Variants in TENM4 observed in about 807,000 individuals in gnomAD.
The protein encoded by TENM4 is teneurin transmembrane protein 4.
TENM4 carries 82 observed loss-of-function variants against 243.3 expected under a neutral mutation model. That is an observed-to-expected ratio of 0.34 (90% CI 0.28 to 0.40). The LOEUF is 0.40. Among genes scored for constraint, TENM4 ranks in the 10% least tolerant of loss-of-function variants. The pLI, the probability that TENM4 is intolerant of heterozygous loss-of-function variation, is 1.00. For synonymous variants in TENM4, 1,412 were observed against 1,456.3 expected (o/e 0.97, Z 0.69); for missense variants, 3,138 against 3,673.3 (o/e 0.85, Z 3.77).
intron 12 of TENM4, among the ~76,000 whole-genome samples, chr11:78,834,708 C>T (rs1858062434): frequency 6.6e-6 from 1 of 152,172 alleles, no homozygotes; most frequent in Non-Finnish European, 1.5e-5. Context: ...CTCTCCCTTC[C>T]CTGAATCTGG....
intron 1 of TENM4, among the ~76,000 whole-genome samples, chr11:79,321,162 G>A (rs1856882090): frequency 6.6e-6 from 1 of 152,196 alleles, no homozygotes; most frequent in Non-Finnish European, 1.5e-5. Flanking sequence ...CATGAGGACA[G>A]TGAGGGGCTT....
intron 19 of TENM4, among the ~76,000 whole-genome samples, chr11:78,742,836 A>G (rs566145886): frequency 1.3e-5 from 2 of 152,322 alleles, no homozygotes; most frequent in African/African-American, 4.8e-5. Context: ...GCAAATAAAA[A>G]GCCAACCTCA....
At chr11:78,704,075 A>G (rs1859176852) in intron 27 of TENM4, among the ~76,000 whole-genome samples, 1 of 147,736 alleles carries the variant, frequency 6.8e-6, no homozygotes, top group African/African-American at 2.5e-5. Context: ...ATATATATAT[A>G]AATATATACA....
chr11:78,674,888 CAG>C (rs761340042), intron 30 of TENM4, among the ~76,000 whole-genome samples: 184 of 150,990 alleles, frequency 1.2e-3, no homozygotes, highest in Admixed American at 3.8e-3. Context: ...TTTTTTGAGA[CAG>C]AGTCTTACTC....
chr11:78,775,754 T>G (rs1403517218), intron 17 of TENM4, among the ~76,000 whole-genome samples: 2 of 152,158 alleles, frequency 1.3e-5, no homozygotes, highest in Non-Finnish European at 2.9e-5. Context: ...TCGGAAAGAC[T>G]CACACCAGGC....
intron 12 of TENM4, among the ~76,000 whole-genome samples, chr11:78,845,100 G>C (rs1204861157): frequency 6.6e-6 from 1 of 152,118 alleles, no homozygotes; most frequent in Non-Finnish European, 1.5e-5. Context: ...TGCTCCCATG[G>C]AGCTCCCACA....
At chr11:79,383,308 A>T (rs1858044951) in intron 1 of TENM4, among the ~76,000 whole-genome samples, 3 of 152,022 alleles carry the variant, frequency 2.0e-5, no homozygotes, top group African/African-American at 7.3e-5. Context: ...CAGAAATACC[A>T]CTTTCTCTCC....
At chr11:79,052,675 C>G (rs778907157) in intron 6 of TENM4, among the ~76,000 whole-genome samples, 1 of 152,152 alleles carries the variant, frequency 6.6e-6, no homozygotes, top group Non-Finnish European at 1.5e-5. Context: ...CAGCAGCATC[C>G]ATCACAGCTT....
At chr11:78,720,887 G>A (rs945391955) in intron 24 of TENM4, among the ~76,000 whole-genome samples, 1 of 151,944 alleles carries the variant, frequency 6.6e-6, no homozygotes, top group African/African-American at 2.4e-5. Flanking sequence ...CACAGAAACA[G>A]GCCTAGGAAA....
chr11:78,961,571 G>C (rs1857322104), intron 6 of TENM4, among the ~76,000 whole-genome samples: 1 of 152,234 alleles, frequency 6.6e-6, no homozygotes, highest in African/African-American at 2.4e-5. Flanking sequence ...CCTGCAGCTG[G>C]CTGGGGCTTC....
intron 1 of TENM4, among the ~76,000 whole-genome samples, chr11:79,419,015 C>CA: frequency 6.6e-6 from 1 of 152,312 alleles, no homozygotes; most frequent in East Asian, 1.9e-4. Flanking sequence ...TGAAGGAAGT[C>CA]AAACTCATTG....
At chr11:79,157,807 C>T (rs997335736) in intron 3 of TENM4, among the ~76,000 whole-genome samples, 10 of 152,148 alleles carry the variant, frequency 6.6e-5, no homozygotes, top group African/African-American at 2.2e-4. Flanking sequence ...CTGTTGGTCC[C>T]GCTACTGTGA....
chr11:78,764,283 C>T (rs556044305), intron 18 of TENM4, among the ~76,000 whole-genome samples: 8 of 152,332 alleles, frequency 5.3e-5, no homozygotes, highest in Non-Finnish European at 1.2e-4. Flanking sequence ...TCCCTGACAT[C>T]GTACCGCTAG....
intron 12 of TENM4, among the ~76,000 whole-genome samples, chr11:78,824,694 G>T (rs1012912067): frequency 5.9e-3 from 1 of 170 alleles, no homozygotes; most frequent in African/African-American, 0.025. Flanking sequence ...GTAGAGATGG[G>T]GTTTCACCAA....
At chr11:78,761,904 C>T (rs1221246782) in intron 18 of TENM4, among the ~76,000 whole-genome samples, 4 of 152,130 alleles carry the variant, frequency 2.6e-5, no homozygotes, top group Non-Finnish European at 4.4e-5. Flanking sequence ...GTCTCCCTGG[C>T]GCTGATGATC....
At chr11:79,075,490 GAA>G in intron 4 of TENM4, among the ~76,000 whole-genome samples, 1 of 152,330 alleles carries the variant, frequency 6.6e-6, no homozygotes, top group Non-Finnish European at 1.5e-5. Context: ...TAAGGGATTG[GAA>G]AATCATTACT....
rs147434313 is a variant in TENM4 at position 78,922,360 on chromosome 11, CT to C, written c.494-18838del. Among the ~76,000 whole-genome samples the C allele has an allele frequency of 5.4e-3, 821 of 152,312 alleles. 4 individuals are homozygous for C. Among genetic ancestry groups the C allele is most frequent in the Non-Finnish European group, 9.0e-3 (612 of 68,020 alleles). ...ATGATGTCTTTATGATGACAATTCT[CT>C]TGTTAACTCCTCATGTGTTTTTGCC... On this transcript the variant is annotated intron_variant, in intron 6 of 33. Coordinates refer to ENST00000278550, the MANE Select transcript of TENM4 (RefSeq NM_001098816.3).
intron 1 of TENM4, among the ~76,000 whole-genome samples, chr11:79,369,003 G>A (rs1049716161): frequency 3.9e-5 from 6 of 152,088 alleles, no homozygotes; most frequent in Non-Finnish European, 8.8e-5. Context: ...GGCTTTGGTG[G>A]TTGCAATGTA....
At chr11:79,399,859 T>G (rs1360924061) in intron 1 of TENM4, among the ~76,000 whole-genome samples, 4 of 152,112 alleles carry the variant, frequency 2.6e-5, no homozygotes, top group African/African-American at 2.4e-5. Flanking sequence ...GGTGTTGTTG[T>G]GCGGATTAAG....
Sources: allele counts gnomAD v4.1 joint callset (sites outside exome capture counted in the v4.1 genomes callset), GRCh38; gene constraint gnomAD v4.1.1; transcripts MANE v1.5; gene names NCBI Gene and HGNC (gene_info 2026-07-23, HGNC 2026-07-21).